CFAP299: variants seen among roughly 807,000 people sequenced by gnomAD.
CFAP299 encodes the protein cilia and flagella associated protein 299.
In CFAP299, 21 loss-of-function variants were observed where a neutral mutation model predicts 27.0. That is an observed-to-expected ratio of 0.78 (90% confidence interval 0.55 to 1.12). CFAP299 has a LOEUF of 1.12. Among genes scored for constraint, CFAP299 ranks in the 50% most tolerant of loss-of-function variants. The probability of loss-of-function intolerance (pLI) is 0.00; values close to 1 mark genes in which losing one functional copy is unlikely to be tolerated. For missense variants in CFAP299, 310 were observed against 276.6 expected, an observed-to-expected ratio of 1.12 and a Z score of -0.86; for synonymous variants, 104 against 98.1, an observed-to-expected ratio of 1.06 and a Z score of -0.36.
intron 2 of CFAP299, among the ~76,000 whole-genome samples, chr4:80,367,210 T>G (rs1417818005): frequency 6.6e-6 from 1 of 152,198 alleles, no homozygotes; most frequent in Non-Finnish European, 1.5e-5. Flanking sequence ...GTGATTTAAA[T>G]TTCAGTTCAA....
chr4:80,465,372 G>A lies in CFAP299; in HGVS notation c.242+102488G>A, dbSNP rs529288535. On this transcript the variant is annotated intron_variant, in intron 2 of 5. Coordinates refer to ENST00000358105, the MANE Select transcript of CFAP299 (RefSeq NM_152770.3). ...TAAGTGAGGTTCCTTTTGTTCAGGA[G>A]TCTCAGAGCCCTGGAATGCCAGAGA... is the stretch of plus-strand genomic sequence containing the variant. Among the ~76,000 whole-genome samples, 2 of 152,322 alleles carry A rather than the reference G, an allele frequency of 1.3e-5. 1 individual carries two copies. The highest frequency in any genetic ancestry group is 4.1e-4 in the South Asian group (2 of 4,826).
chr4:80,623,505 C>G (rs1201477007), intron 3 of CFAP299, among the ~76,000 whole-genome samples: 5 of 152,076 alleles, frequency 3.3e-5, no homozygotes, highest in African/African-American at 9.7e-5. Flanking sequence ...TGACAACTAT[C>G]CATACACAAA....
chr4:80,901,161 C>T (rs1367632699), intron 4 of CFAP299, among the ~76,000 whole-genome samples: 3 of 152,140 alleles, frequency 2.0e-5, no homozygotes, highest in Non-Finnish European at 4.4e-5. Context: ...AAGCAAGGTG[C>T]ACAGGCGTTA....
intron 2 of CFAP299, among the ~76,000 whole-genome samples, chr4:80,537,461 T>G (rs1262097547): frequency 4.6e-5 from 7 of 152,000 alleles, no homozygotes; most frequent in Admixed American, 2.0e-4. Flanking sequence ...CATGAATAAA[T>G]AAAGAAAATG....
intron 2 of CFAP299, among the ~76,000 whole-genome samples, chr4:80,561,898 TAGAA>T (rs1448990883): frequency 6.6e-6 from 1 of 152,100 alleles, no homozygotes; most frequent in African/African-American, 2.4e-5. Flanking sequence ...TTATCTTAAA[TAGAA>T]AGACTAAACA....
intron 2 of CFAP299, among the ~76,000 whole-genome samples, chr4:80,489,002 T>C (rs2110136005): frequency 6.6e-6 from 1 of 152,342 alleles, no homozygotes; most frequent in South Asian, 2.1e-4. Flanking sequence ...TCACCTTTAG[T>C]GTTGTCTGAA....
chr4:80,798,107 A>T (rs1003328944), intron 3 of CFAP299, among the ~76,000 whole-genome samples: 1 of 152,086 alleles, frequency 6.6e-6, no homozygotes, highest in African/African-American at 2.4e-5. Context: ...TAAATTAGAA[A>T]ACTCAAGCAG....
At chr4:80,579,463 G>GTACTTAC in intron 2 of CFAP299, among the ~76,000 whole-genome samples, 1 of 152,234 alleles carries the variant, frequency 6.6e-6, no homozygotes. Context: ...CCATAGTTAA[G>GTACTTAC]TGTCCAGGGA....
intron 2 of CFAP299, among the ~76,000 whole-genome samples, chr4:80,576,377 T>G (rs1735867273): frequency 6.6e-6 from 1 of 151,750 alleles, no homozygotes; most frequent in African/African-American, 2.4e-5. Context: ...ATTATCTCTG[T>G]CTGATAGAGC....
chr4:80,460,294 C>T (rs1326218496), intron 2 of CFAP299, among the ~76,000 whole-genome samples: 1 of 152,120 alleles, frequency 6.6e-6, no homozygotes, highest in African/African-American at 2.4e-5. Context: ...GAAAGCTTGG[C>T]TGTTTATTTC....
chr4:80,903,316 A>G (rs1735020161), intron 4 of CFAP299, among the ~76,000 whole-genome samples: 1 of 152,142 alleles, frequency 6.6e-6, no homozygotes, highest in African/African-American at 2.4e-5. Context: ...TTCCAGATAA[A>G]TTGGGGAAGG....
rs192572654 is a variant in CFAP299, at chr4:80,812,201, G to C, written c.334-57792G>C. On this transcript the variant is annotated intron_variant, in intron 3 of 5. Transcript: ENST00000358105. ...AGGATAGGTTGACCAATGAATCACA[G>C]CTAGAATTAACTGCCTCCCAATCTT... Among the ~76,000 whole-genome samples, 192 of 152,228 alleles carry C rather than the reference G, an allele frequency of 1.3e-3. 1 individual carries two copies. Among genetic ancestry groups the C allele is most frequent in the African/African-American group, 4.3e-3 (178 of 41,568 alleles).
intron 2 of CFAP299, among the ~76,000 whole-genome samples, chr4:80,380,422 A>AG (rs1724641769): frequency 2.1e-5 from 2 of 96,138 alleles, no homozygotes; most frequent in East Asian, 6.3e-4. Flanking sequence ...TGTGTCTCAC[A>AG]TTTTTTTTTT....
At chr4:80,333,365 C>T (rs1181151320), upstream of CFAP299, among the ~76,000 whole-genome samples, 20 of 152,306 alleles carry the variant, frequency 1.3e-4, no homozygotes, top group East Asian at 3.7e-3. Flanking sequence ...AGCAGCTAGG[C>T]AACACCAGAC....
chr4:80,645,184 T>C (rs886932214), intron 3 of CFAP299, among the ~76,000 whole-genome samples: 3 of 152,150 alleles, frequency 2.0e-5, no homozygotes, highest in Non-Finnish European at 2.9e-5. Flanking sequence ...TGAATAGTAC[T>C]ATCATTCATC....
chr4:80,412,012 T>C (rs981420505), intron 2 of CFAP299, among the ~76,000 whole-genome samples: 1 of 152,152 alleles, frequency 6.6e-6, no homozygotes, highest in Non-Finnish European at 1.5e-5. Flanking sequence ...TCCAATGAAC[T>C]AGGGGCTTGC....
intron 2 of CFAP299, among the ~76,000 whole-genome samples, chr4:80,400,621 G>A (rs1230394640): frequency 6.6e-5 from 10 of 152,104 alleles, no homozygotes; most frequent in Admixed American, 6.6e-4. Flanking sequence ...CAGTGGAATT[G>A]TCCGTCCAAT....
At chr4:80,581,016 C>T (rs1736135387) in intron 2 of CFAP299, among the ~76,000 whole-genome samples, 1 of 151,820 alleles carries the variant, frequency 6.6e-6, no homozygotes, top group African/African-American at 2.4e-5. Context: ...TAATCTCTTG[C>T]AATTTTAAAC....
At chr4:80,640,650 C>T (rs1474713792) in intron 3 of CFAP299, among the ~76,000 whole-genome samples, 1 of 152,154 alleles carries the variant, frequency 6.6e-6, no homozygotes, top group Non-Finnish European at 1.5e-5. Flanking sequence ...AAGTGAACTC[C>T]AGAAGTGACA....
Sources: allele counts gnomAD v4.1 joint callset (sites outside exome capture counted in the v4.1 genomes callset), GRCh38; gene constraint gnomAD v4.1.1; transcripts MANE v1.5; gene names NCBI Gene and HGNC (gene_info 2026-07-23, HGNC 2026-07-21).